NPRL3: variants seen among roughly 807,000 people sequenced by gnomAD.
NPRL3 encodes NPR3 like, GATOR1 complex subunit, also known as GATOR1 complex protein NPRL3.
A neutral mutation model predicts 57.2 loss-of-function variants in NPRL3; 23 were observed. The observed-to-expected ratio is 0.40, with a 90% CI of 0.29 to 0.57. NPRL3 has a LOEUF of 0.57. NPRL3 is among the 20% of genes least tolerant of loss of function. The pLI is 0.42. For missense variants in NPRL3, 691 were observed against 767.1 expected, an observed-to-expected ratio of 0.90 and a Z score of 1.17; for synonymous variants, 333 against 321.1, an observed-to-expected ratio of 1.04 and a Z score of -0.39.
rs770799124 is a variant in NPRL3 at position 138,248 on chromosome 16, G to T, written c.20C>A (p.Pro7His). The T allele has an allele frequency of 6.2e-7, 1 of 1,606,426 alleles. No individual in the cohort carries two copies. The highest frequency in any genetic ancestry group is 2.2e-5 in the East Asian group (1 of 44,598). Residue 7 changes from proline to histidine, a missense_variant, in exon 2 of 14, where the codon CCC (proline) becomes CAC (histidine). Coordinates refer to ENST00000611875, the MANE Select transcript of NPRL3 (RefSeq NM_001077350.3). MRDNTS[P>H]ISVILVSSGS... ...CGAGCTCACCAGAATCACGCTGATG[G>T]GGCTGGTGTTGTCCCGCATCCCGCC...
At chr16:120,802 A>C (rs1900249614) in intron 3 of NPRL3, among the ~76,000 whole-genome samples, 1 of 152,218 alleles carries the variant, frequency 6.6e-6, no homozygotes, top group Non-Finnish European at 1.5e-5. Flanking sequence ...CACCACAGGC[A>C]TAATATGCTT....
rs574017049 is a variant in NPRL3 at position 92,457 on chromosome 16, C to T, written c.1161+139G>A. On this transcript the variant is annotated intron_variant, in intron 11 of 13. Transcript: ENST00000611875. ...TTTGGGTCCTGCTGGGCACGTAGCA[C>T]TTGCACGGCAAGCCCCCAAAACCAA... 4.7e-5 allele frequency: 52 copies of T among 1,110,472 alleles called. No homozygotes were observed. The East Asian group carries it at 1.3e-3, about 27-fold the overall frequency. The allele number at this position is 1,110,472 out of a possible 1,614,324, so 68.8% of individuals were successfully genotyped here. A position where few individuals can be genotyped will look rare whatever the true frequency, so the allele number is the denominator to read the frequency against.
At chr16:134,646 T>A (rs980878227) in intron 2 of NPRL3, among the ~76,000 whole-genome samples, 1 of 151,030 alleles carries the variant, frequency 6.6e-6, no homozygotes, top group African/African-American at 2.4e-5. Flanking sequence ...TAACGACAAG[T>A]GACTAACCTT....
chr16:130,177 A>G (rs564954359), intron 3 of NPRL3, among the ~76,000 whole-genome samples: 3 of 152,302 alleles, frequency 2.0e-5, no homozygotes, highest in African/African-American at 4.8e-5. Flanking sequence ...CTCTGGGTAC[A>G]TGCTCAAGGA....
In NPRL3 at chr16:86,557, G is replaced by C. The variant is rs952702188; in HGVS notation, c.*148C>G. 1.5e-5 allele frequency: 11 copies of C among 752,842 alleles called. No homozygotes were observed. The African/African-American group carries it at 1.8e-4, about 12-fold the overall frequency. The allele number at this position is 752,842 out of a possible 1,614,324, so 46.6% of individuals were successfully genotyped here. A position where few individuals can be genotyped will look rare whatever the true frequency, so the allele number is the denominator to read the frequency against. ...GGGCAAGGACAGCGGGGCTCTGCAG[G>C]CTTCACTGGGCCACGGCCAGCCCGC... On this transcript the variant is annotated 3_prime_UTR_variant, in exon 14 of 14. Transcript: ENST00000611875.
At chr16:98,479 G>C (rs562762458) in intron 8 of NPRL3, among the ~76,000 whole-genome samples, 178 bp from the exon 9 acceptor site, 1 of 152,082 alleles carries the variant, frequency 6.6e-6, no homozygotes, top group East Asian at 1.9e-4. Flanking sequence ...GAAGTGCAGG[G>C]AACCCTGCAC....
intron 2 of NPRL3, among the ~76,000 whole-genome samples, chr16:132,731 G>A (rs910814639): frequency 1.1e-4 from 17 of 150,106 alleles, no homozygotes; most frequent in Admixed American, 3.3e-4. Flanking sequence ...GTGCAGTGGC[G>A]GGATCTCGGC....
At chr16:110,151 C>A (rs1596519596) in intron 7 of NPRL3, among the ~76,000 whole-genome samples, 1 of 152,184 alleles carries the variant, frequency 6.6e-6, no homozygotes, top group East Asian at 1.9e-4. Context: ...TGCCTGTAAT[C>A]CCAGCTACTC....
In NPRL3 at chr16:113,351, A is replaced by C. The variant is rs1899899188; in HGVS notation, c.394-576T>G. On this transcript the variant is annotated intron_variant, in intron 5 of 13. Coordinates refer to ENST00000611875, the MANE Select transcript of NPRL3 (RefSeq NM_001077350.3). ...AATACTTTTGGTCCTGAAGGATGAG[A>C]AGCTCTTCCCAGCAGAAGTCACACT... Among the ~76,000 whole-genome samples, 4 of 152,192 alleles carry C rather than the reference A, an allele frequency of 2.6e-5. No homozygotes were observed. In the South Asian group the frequency reaches 8.3e-4, roughly 32 times the overall value.
chr16:93,354 C>A, intron 9 of NPRL3, 29 bp from the exon 10 acceptor site: 1 of 1,457,680 alleles, frequency 6.9e-7, no homozygotes, highest in South Asian at 1.2e-5. Flanking sequence ...CTGCAAGGAC[C>A]ATGCCTGAGG....
At chr16:110,667 C>T (rs1177672855) in intron 6 of NPRL3, 61 bp from the exon 7 acceptor site, 42 of 1,422,756 alleles carry the variant, frequency 3.0e-5, no homozygotes, top group Non-Finnish European at 3.7e-5. Context: ...CCTGCCTCAG[C>T]CTTCCAAGTA....
At chr16:103,308 T>G (rs1183630215) in intron 7 of NPRL3, among the ~76,000 whole-genome samples, 3 of 124,758 alleles carry the variant, frequency 2.4e-5, no homozygotes, top group African/African-American at 9.4e-5. Context: ...TTTTTTTTTT[T>G]TTTTTTTTTT....
intron 9 of NPRL3, among the ~76,000 whole-genome samples, chr16:95,184 C>A (rs1433254080): frequency 3.3e-5 from 5 of 152,070 alleles, no homozygotes; most frequent in Non-Finnish European, 7.3e-5. Flanking sequence ...TTAGTAACAT[C>A]TCCAAAGTCC....
At chr16:96,648 CAAAAAAAAAAAAA>C (rs68086908) in intron 9 of NPRL3, among the ~76,000 whole-genome samples, 2 of 100,280 alleles carry the variant, frequency 2.0e-5, no homozygotes, top group Non-Finnish European at 3.7e-5. Flanking sequence ...CCGTCTCTAC[CAAAAAAAAAAAAA>C]AAAAAAAAAT....
rs1898628230 is a variant in NPRL3 at position 88,882 on chromosome 16, C to T, written c.1360G>A (p.Asp454Asn). The change falls in exon 13 of 14, where the codon GAT becomes AAT. Residue 454 changes from aspartate (D) to asparagine (N), a missense_variant. Transcript: ENST00000611875. ...ALSFGSPTSSDDMTLTSPSMD... is the reference protein window; with the variant it reads ...ALSFGSPTSSNDMTLTSPSMD... ...CTGGGGCTGGTGAGGGTCATGTCAT[C>T]GCTGCTGGCTGTGGGGGACATGGGT... The T allele has an allele frequency of 1.2e-6, 2 of 1,610,170 alleles. No homozygotes were observed. Among genetic ancestry groups the T allele is most frequent in the Non-Finnish European group, 1.7e-6 (2 of 1,176,798 alleles).
At chr16:102,172 A>T (rs566855478) in intron 7 of NPRL3, among the ~76,000 whole-genome samples, 1 of 152,276 alleles carries the variant, frequency 6.6e-6, no homozygotes, top group South Asian at 2.1e-4. Flanking sequence ...ACAAGGAAGG[A>T]GTTGTTTTCA....
chr16:120,106 A>G (rs1201689089), intron 3 of NPRL3, among the ~76,000 whole-genome samples: 2 of 152,196 alleles, frequency 1.3e-5, no homozygotes, highest in African/African-American at 4.8e-5. Context: ...CTCAGAGTCC[A>G]GGGCTCTGAG....
At chr16:108,166 A>T (rs528750253) in intron 7 of NPRL3, among the ~76,000 whole-genome samples, 1 of 152,208 alleles carries the variant, frequency 6.6e-6, no homozygotes. Flanking sequence ...GTTGCAACTT[A>T]TATCACAAAA....
chr16:89,055 C>T (rs1255732836), intron 12 of NPRL3, 165 bp from the exon 13 acceptor site: 1 of 654,286 alleles, frequency 1.5e-6, no homozygotes, highest in Non-Finnish European at 2.6e-6. Context: ...CTGGGTGTGA[C>T]ACGCCCCTCA....
Sources: gnomAD v4.1 joint callset for allele counts (sites outside exome capture counted in the v4.1 genomes callset) on GRCh38, gnomAD v4.1.1 for gene constraint, MANE v1.5 for transcripts, NCBI Gene and HGNC (gene_info 2026-07-23, HGNC 2026-07-21) for gene names.